RREB1: variants seen among roughly 807,000 people sequenced by gnomAD.
The protein encoded by RREB1 is ras responsive element binding protein 1, also known as ras-responsive element-binding protein 1.
Under a neutral mutation model 117.8 loss-of-function variants are expected in RREB1, and 27 were observed. The observed-to-expected ratio is 0.23, with a 90% confidence interval of 0.17 to 0.32. The LOEUF (loss-of-function observed/expected upper bound fraction) is 0.32, where lower values mean the gene tolerates loss of function less well. Ranked by LOEUF, RREB1 falls within the 10% of genes least tolerant of loss-of-function variation. The pLI is 1.00. For synonymous variants in RREB1, 1,298 were observed against 1,026.7 expected (o/e 1.26, Z -5.05); for missense variants, 2,577 against 2,378.2 (o/e 1.08, Z -1.74).
chr6:7,197,697 C>A (rs953378872), intron 6 of RREB1, among the ~76,000 whole-genome samples: 2 of 152,152 alleles, frequency 1.3e-5, no homozygotes, highest in South Asian at 4.1e-4. Context: ...GAAGGGAAAT[C>A]CTTGGAACAT....
At chr6:7,198,113 T>C (rs1487369043) in intron 6 of RREB1, among the ~76,000 whole-genome samples, 1 of 152,188 alleles carries the variant, frequency 6.6e-6, no homozygotes, top group Non-Finnish European at 1.5e-5. Flanking sequence ...ACTTCCATCA[T>C]GGTCGTATCA....
chr6:7,226,621 G>C lies in RREB1; in HGVS notation c.862G>C (p.Asp288His). The change falls in exon 9 of 13, where the codon GAC becomes CAC. Residue 288 changes from aspartate (D) to histidine (H), a missense_variant. Transcript: ENST00000379938. ...PAGFHDLGFT[D>H]FSCRKFPRIS... is the part of the protein sequence containing the mutation. ...TGGCTTCCACGACTTAGGATTCACG[G>C]ACTTCTCCTGTAGGAAGTTTCCTCG... 1.2e-6 allele frequency: 2 copies of C among 1,614,134 alleles called. No individual in the cohort carries two copies. The highest frequency in any genetic ancestry group is 1.7e-6 in the Non-Finnish European group (2 of 1,180,022).
chr6:7,248,826 C>T lies in RREB1; in HGVS notation c.5087C>T (p.Pro1696Leu), dbSNP rs148224708. The change falls in exon 13 of 13, where the codon CCG becomes CTG. Residue 1696 changes from proline to leucine, a missense_variant. Physicochemically the swap from Pro to Leu is moderately conservative, Grantham distance 98. Transcript: ENST00000379938. ...HREEKVTAGW[P>L]SEPGQGDLNP... is the part of the protein sequence containing the mutation. ...GAGGAGAAGGTCACGGCAGGGTGGCCGTCTGAGCCTGGCCAGGGTGACCTT... is the reference window on the plus strand; with the variant it reads ...GAGGAGAAGGTCACGGCAGGGTGGCTGTCTGAGCCTGGCCAGGGTGACCTT... 1.5e-4 allele frequency: 234 copies of T among 1,612,810 alleles called. No homozygotes were observed. The African/African-American group carries it at 2.6e-3, about 18-fold the overall frequency.
At chr6:7,185,073 T>A (rs1456233527) in intron 4 of RREB1, 1 of 152,150 alleles carries the variant, frequency 6.6e-6, no homozygotes, top group Non-Finnish European at 1.5e-5. Context: ...CGACTGCAGT[T>A]GTAGAACTGG....
chr6:7,172,819 C>G (rs1318973946), intron 1 of RREB1, among the ~76,000 whole-genome samples: 2 of 152,162 alleles, frequency 1.3e-5, no homozygotes, highest in Non-Finnish European at 2.9e-5. Flanking sequence ...CCTCAGAGCA[C>G]ATGTGAGGTG....
chr6:7,110,068 A>G (rs1451716119), intron 1 of RREB1, among the ~76,000 whole-genome samples: 2 of 152,254 alleles, frequency 1.3e-5, no homozygotes, highest in Non-Finnish European at 2.9e-5. Flanking sequence ...TGATTTCTGC[A>G]AAGGCAGAGT....
At chr6:7,179,710 CTT>C (rs1764691668) in intron 2 of RREB1, among the ~76,000 whole-genome samples, 1 of 151,914 alleles carries the variant, frequency 6.6e-6, no homozygotes, top group Non-Finnish European at 1.5e-5. Context: ...CATGTATGCA[CTT>C]TGTGTCTACA....
chr6:7,126,157 A>T (rs1360847997), intron 1 of RREB1, among the ~76,000 whole-genome samples: 3 of 152,024 alleles, frequency 2.0e-5, no homozygotes, highest in South Asian at 2.1e-4. Context: ...GCGCACCACC[A>T]CACCCAGCTA....
chr6:7,188,455 G>C (rs536054533), intron 5 of RREB1, among the ~76,000 whole-genome samples: 1 of 152,006 alleles, frequency 6.6e-6, no homozygotes, highest in Non-Finnish European at 1.5e-5. Context: ...GTTTCAGCAC[G>C]TTTATATTAG....
intron 1 of RREB1, among the ~76,000 whole-genome samples, chr6:7,159,719 A>C (rs953379356): frequency 6.6e-6 from 1 of 152,184 alleles, no homozygotes; most frequent in Non-Finnish European, 1.5e-5. Context: ...AGTAGTAAGT[A>C]AGGAAAAAGC....
chr6:7,172,041 G>A (rs909373716), intron 1 of RREB1, among the ~76,000 whole-genome samples: 1 of 151,988 alleles, frequency 6.6e-6, no homozygotes, highest in Non-Finnish European at 1.5e-5. Flanking sequence ...GCACTCCTGG[G>A]CTCATGCAAT....
In RREB1 at chr6:7,125,765, TC is replaced by T. The variant is rs541086271; in HGVS notation, c.-285+17706del. On this transcript the variant is annotated intron_variant, in intron 1 of 12. Coordinates refer to ENST00000379938, the MANE Select transcript of RREB1 (RefSeq NM_001003699.4). ...GTGATAGCCTCTGGGAGGTGTTGTTTCTTTGTTGTTTTACTTTTCAAGCAGG... is the reference window on the plus strand; with the variant it reads ...GTGATAGCCTCTGGGAGGTGTTGTTTTTTGTTGTTTTACTTTTCAAGCAGG... Among the ~76,000 whole-genome samples the T allele has an allele frequency of 4.6e-3, 693 of 152,142 alleles. 5 individuals are homozygous for T. The highest frequency in any genetic ancestry group is 5.7e-3 in the Non-Finnish European group (387 of 68,012).
intron 6 of RREB1, among the ~76,000 whole-genome samples, chr6:7,199,092 G>A (rs1289290832): frequency 6.6e-6 from 1 of 152,096 alleles, no homozygotes; most frequent in African/African-American, 2.4e-5. Context: ...AAACCTGGGT[G>A]CTTTTGTTTT....
intron 1 of RREB1, among the ~76,000 whole-genome samples, chr6:7,172,025 A>G (rs1326561173): frequency 6.6e-6 from 1 of 151,064 alleles, no homozygotes; most frequent in Non-Finnish European, 1.5e-5. Context: ...AGCTCAGTGC[A>G]GCTTCGCACT....
chr6:7,195,069 G>T (rs536015748), intron 6 of RREB1, among the ~76,000 whole-genome samples: 19 of 152,292 alleles, frequency 1.2e-4, no homozygotes, highest in African/African-American at 4.6e-4. Context: ...TTTTATTGTT[G>T]TATGTGCCAG....
rs70978941 is a variant in RREB1, at chr6:7,117,388, GTTTTTTTTTTTTTTTTTTTT to G, written c.-285+9346_-285+9365del. On this transcript the variant is annotated intron_variant, in intron 1 of 12. Coordinates refer to ENST00000379938, the MANE Select transcript of RREB1 (RefSeq NM_001003699.4). ...GGTGAACCATGTGAATAGGTTTCCT[GTTTTTTTTTTTTTTTTTTTT>G]TTTTTTTTTTTTTTTTTGAGACGAA... 1.9e-3 allele frequency among the ~76,000 whole-genome samples: 121 copies of G among 63,292 alleles called. 1 individual carries two copies. Among genetic ancestry groups the G allele is most frequent in the African/African-American group, 7.3e-3 (107 of 14,634 alleles). 41.5% of individuals were successfully genotyped at this position (63,292 alleles called of 152,430 possible).
At chr6:7,201,484 G>A (rs1456744387) in intron 6 of RREB1, among the ~76,000 whole-genome samples, 2 of 151,650 alleles carry the variant, frequency 1.3e-5, no homozygotes, top group Non-Finnish European at 2.9e-5. Context: ...GGTGATTAGT[G>A]GCAACATTGT....
chr6:7,181,804 G>T, intron 3 of RREB1, 66 bp from the exon 4 acceptor site: 1 of 1,140,124 alleles, frequency 8.8e-7, no homozygotes, highest in South Asian at 1.2e-5. Context: ...GCCATGGCCA[G>T]CGCCCCCTGG....
chr6:7,234,966 T>C (rs754458955), intron 10 of RREB1, among the ~76,000 whole-genome samples: 20 of 152,328 alleles, frequency 1.3e-4, no homozygotes, highest in Middle Eastern at 3.4e-3. Context: ...CATGTCCACA[T>C]TGCAGAAGGT....
Sources: gnomAD v4.1 joint callset for allele counts (sites outside exome capture counted in the v4.1 genomes callset) on GRCh38, gnomAD v4.1.1 for gene constraint, MANE v1.5 for transcripts, NCBI Gene and HGNC (gene_info 2026-07-23, HGNC 2026-07-21) for gene names.